The following SPTB variants were observed in gnomAD, a reference collection of about 807,000 sequenced individuals.
SPTB encodes spectrin beta chain, erythrocytic.
Under a neutral mutation model 256.2 loss-of-function variants are expected in SPTB, and 45 were observed. The observed-to-expected ratio is 0.18, with a 90% CI of 0.14 to 0.23. SPTB has a LOEUF of 0.23. Ranked by LOEUF, SPTB falls within the 10% of genes least tolerant of loss-of-function variation. The probability of loss-of-function intolerance (pLI) is 1.00; values close to 1 mark genes in which losing one functional copy is unlikely to be tolerated. For missense variants in SPTB, 2,715 were observed against 3,040.4 expected, an observed-to-expected ratio of 0.89 and a Z score of 2.52; for synonymous variants, 1,231 against 1,243.1, an observed-to-expected ratio of 0.99 and a Z score of 0.21.
At chr14:64,878,935 C>T (rs544786636) in intron 1 of SPTB, among the ~76,000 whole-genome samples, 3 of 152,198 alleles carry the variant, frequency 2.0e-5, no homozygotes, top group Non-Finnish European at 4.4e-5. Context: ...ACCTGAAGCT[C>T]GTTGTCAGGG....
rs761031866 is a variant in SPTB at position 64,772,965 on chromosome 14, G to A, written c.5179-11C>T. 3.1e-6 allele frequency: 5 copies of A among 1,596,918 alleles called. No homozygotes were observed. The South Asian group carries it at 3.3e-5, about 11-fold the overall frequency. Reference sequence around the variant, plus strand: ...CTTGTCCCGCAGAAGCTAGGCATGGGGCAGACAGAAATGTGGTTATGGGGG... The same window carrying A: ...CTTGTCCCGCAGAAGCTAGGCATGGAGCAGACAGAAATGTGGTTATGGGGG... On this transcript the variant is annotated splice_polypyrimidine_tract_variant and intron_variant, in intron 25 of 35. Coordinates refer to ENST00000644917, the MANE Select transcript of SPTB (RefSeq NM_001355436.2). The surrounding 1 kb of genome is among the most constrained non-coding windows in gnomAD (Gnocchi z 5.4).
At position 64,803,565 on chromosome 14, in the gene SPTB, C is replaced by A. The variant is rs1162266126; in HGVS notation, c.474+42G>T. ...ATAAGATTCTAAGGCCCTGGGCAGC[C>A]TTGAGGGCTCCCTCGACTTCCTCTA... is the stretch of plus-strand genomic sequence containing the variant. On this transcript the variant is annotated intron_variant, in intron 4 of 35. Coordinates refer to ENST00000644917, the MANE Select transcript of SPTB (RefSeq NM_001355436.2). 4 of 1,612,726 alleles carry A rather than the reference C, an allele frequency of 2.5e-6. No homozygotes were observed. In the African/African-American group the frequency reaches 4.0e-5, roughly 16 times the overall value.
chr14:64,840,247 T>C (rs2083586342), intron 1 of SPTB, among the ~76,000 whole-genome samples: 1 of 152,222 alleles, frequency 6.6e-6, no homozygotes, highest in South Asian at 2.1e-4. Context: ...ATGGTCCATT[T>C]CCACCTTAGG....
chr14:64,769,399 C>T (rs2082243709), intron 28 of SPTB, among the ~76,000 whole-genome samples, 191 bp downstream of exon 28: 1 of 152,200 alleles, frequency 6.6e-6, no homozygotes, highest in Admixed American at 6.5e-5. Context: ...GTGGCCAGCT[C>T]CTTAAGGCAG....
intron 2 of SPTB, among the ~76,000 whole-genome samples, chr14:64,808,825 G>A (rs764101903): frequency 2.6e-5 from 4 of 152,114 alleles, no homozygotes; most frequent in Non-Finnish European, 5.9e-5. Context: ...GACACATATG[G>A]TCAATGCTCG....
Position 64,816,202 on chromosome 14 carries a change from CA to C in SPTB, c.148+6744del, listed in dbSNP as rs1217403955. ...AAGGCTCAGCTCCTGTCCTGCAGCC[CA>C]CAGCTAATGCTCCCTCTCTCGGACC... On this transcript the variant is annotated intron_variant, in intron 2 of 35. Transcript: ENST00000644917. The surrounding 1 kb of genome is among the most constrained non-coding windows in gnomAD (Gnocchi z 4.2). Among the ~76,000 whole-genome samples the C allele has an allele frequency of 6.6e-6, 1 of 152,176 alleles. No homozygotes were observed. The highest frequency in any genetic ancestry group is 1.5e-5 in the Non-Finnish European group (1 of 68,040).
At chr14:64,752,354 A>G (rs1416415138) in intron 33 of SPTB, 1 of 916,676 alleles carries the variant, frequency 1.1e-6, no homozygotes, top group African/African-American at 1.7e-5. Flanking sequence ...AGTAGGGCAC[A>G]TAGGGAGGAA....
At chr14:64,840,535 G>C (rs1470413477) in intron 1 of SPTB, among the ~76,000 whole-genome samples, 1 of 152,218 alleles carries the variant, frequency 6.6e-6, no homozygotes, top group Admixed American at 6.5e-5. Context: ...CTCAGAACTT[G>C]TGGAGTGAAT....
rs551139307 is a variant in SPTB at position 64,790,240 on chromosome 14, G to A, written c.2804+1479C>T. Reference sequence around the variant, plus strand: ...CGGGTTTTTTTCTCACTTAAGGATGGCAGGTACCTTGATATTTTTCTCTTG... The same window carrying A: ...CGGGTTTTTTTCTCACTTAAGGATGACAGGTACCTTGATATTTTTCTCTTG... On this transcript the variant is annotated intron_variant, in intron 15 of 35. Transcript: ENST00000644917. The surrounding 1 kb of genome is among the most constrained non-coding windows in gnomAD (Gnocchi z 4.8). Among the ~76,000 whole-genome samples the A allele has an allele frequency of 6.6e-6, 1 of 152,004 alleles. No homozygotes were observed. Among genetic ancestry groups the A allele is most frequent in the African/African-American group, 2.4e-5 (1 of 41,372 alleles).
At chr14:64,765,928 GTGTA>G (rs1272726273) in intron 32 of SPTB, among the ~76,000 whole-genome samples, 37 of 149,492 alleles carry the variant, frequency 2.5e-4, no homozygotes, top group Non-Finnish European at 4.6e-4. Flanking sequence ...GTGTATGAGT[GTGTA>G]TGTGTGTGGG....
At chr14:64,819,900 T>C (rs2083259529) in intron 2 of SPTB, among the ~76,000 whole-genome samples, 1 of 152,208 alleles carries the variant, frequency 6.6e-6, no homozygotes, top group African/African-American at 2.4e-5. Flanking sequence ...AACTTTATCT[T>C]ATTTGCTCTT....
At chr14:64,798,756 A>G (rs373415507) in intron 9 of SPTB, among the ~76,000 whole-genome samples, 4 of 152,240 alleles carry the variant, frequency 2.6e-5, no homozygotes, top group Admixed American at 2.6e-4. Context: ...ACTAGAAACC[A>G]GATACTTGTT....
rs145851557 is a variant in SPTB at position 64,841,778 on chromosome 14, C to A, written c.-51-18633G>T. Among the ~76,000 whole-genome samples, 398 of 152,062 alleles carry A rather than the reference C, an allele frequency of 2.6e-3. 2 individuals are homozygous for A. The highest frequency in any genetic ancestry group is 9.3e-3 in the African/African-American group (384 of 41,442). On this transcript the variant is annotated intron_variant, in intron 1 of 35. Coordinates refer to ENST00000644917, the MANE Select transcript of SPTB (RefSeq NM_001355436.2). This position sits in a 1 kb window ranked among gnomAD's most constrained non-coding sequence, Gnocchi z 4.6. Reference sequence around the variant, plus strand: ...ATATTTTTTAAGGGTCTTTCTTTAACACAGCACACATTTACCTATTTGCAA... The same window carrying A: ...ATATTTTTTAAGGGTCTTTCTTTAAAACAGCACACATTTACCTATTTGCAA...
chr14:64,850,785 CCT>C (rs1420698337), intron 1 of SPTB, among the ~76,000 whole-genome samples: 6 of 152,220 alleles, frequency 3.9e-5, no homozygotes, highest in Admixed American at 1.3e-4. Context: ...CACAATTCTT[CCT>C]CTCTCTTCCC....
At chr14:64,815,282 CGG>C (rs1594806733) in intron 2 of SPTB, among the ~76,000 whole-genome samples, 2 of 65,804 alleles carry the variant, frequency 3.0e-5, no homozygotes, top group East Asian at 9.7e-4. Context: ...TCCCATGAAG[CGG>C]GCATCTCCCA....
chr14:64,836,723 G>A (rs951392819), intron 1 of SPTB, among the ~76,000 whole-genome samples: 1 of 152,158 alleles, frequency 6.6e-6, no homozygotes, highest in Non-Finnish European at 1.5e-5. Flanking sequence ...CTCCTTGAAG[G>A]GAAGGATGCC....
chr14:64,779,122 G>T lies in SPTB; in HGVS notation c.4563+35C>A. On this transcript the variant is annotated intron_variant, in intron 22 of 35. Coordinates refer to ENST00000644917, the MANE Select transcript of SPTB (RefSeq NM_001355436.2). This position sits in a 1 kb window ranked among gnomAD's most constrained non-coding sequence, Gnocchi z 4.2. The stretch of plus-strand genomic sequence containing the variant: ...GTGGGGCCAGGTGGGGGTGAGGAGG[G>T]GTGGGTGGGGCTGGTGAGGTGACGC... The T allele has an allele frequency of 6.3e-7, 1 of 1,583,526 alleles. No homozygotes were observed. The highest frequency in any genetic ancestry group is 8.6e-7 in the Non-Finnish European group (1 of 1,156,414).
chr14:64,787,393 G>A (rs1199272942), intron 15 of SPTB, among the ~76,000 whole-genome samples: 1 of 152,190 alleles, frequency 6.6e-6, no homozygotes, highest in Non-Finnish European at 1.5e-5. Context: ...TCAGCAGGGG[G>A]CAATTAATTA....
Position 64,779,190 on chromosome 14 carries a change from C to A in SPTB, c.4530G>T (p.Leu1510=), listed in dbSNP as rs1224230597. The A allele has an allele frequency of 6.2e-7, 1 of 1,614,000 alleles. No individual in the cohort carries two copies. Among genetic ancestry groups the A allele is most frequent in the South Asian group, 1.1e-5 (1 of 91,074 alleles). The change falls in exon 22 of 36, where the codon CTG becomes CTT. Residue 1510 remains leucine (L), a synonymous_variant. Transcript: ENST00000644917. The surrounding 1 kb of genome is among the most constrained non-coding windows in gnomAD (Gnocchi z 4.2). ...LAQSADYGTN[L]QTVQLFMKKN... ...TCTTCATGAACAGTTGCACAGTTTGCAGATTAGTGCCATAGTCGGCTGACT... is the reference window on the plus strand; with the variant it reads ...TCTTCATGAACAGTTGCACAGTTTGAAGATTAGTGCCATAGTCGGCTGACT...
Sources: gnomAD v4.1 joint callset for allele counts (sites outside exome capture counted in the v4.1 genomes callset) on GRCh38, gnomAD v4.1.1 for gene constraint, Gnocchi (gnomAD v3.1) non-coding constraint, MANE v1.5 for transcripts, NCBI Gene and HGNC (gene_info 2026-07-23, HGNC 2026-07-21) for gene names.